The following MRPS11 variants were observed in gnomAD, a reference collection of about 807,000 sequenced individuals.
The protein encoded by MRPS11 is mitochondrial ribosomal protein S11, also known as small ribosomal subunit protein uS11m.
MRPS11 carries 27 observed loss-of-function variants against 24.3 expected under a neutral mutation model. The ratio of observed to expected loss-of-function variants is 1.11; its 90% CI spans 0.82 to 1.53. The LOEUF (loss-of-function observed/expected upper bound fraction) is 1.53. Ranked by LOEUF, MRPS11 falls within the 40% of genes most tolerant of loss-of-function variation. The pLI, the probability that MRPS11 is intolerant of heterozygous loss-of-function variation, is 0.00. For synonymous variants in MRPS11, 104 were observed against 98.7 expected (o/e 1.05, Z -0.32); for missense variants, 277 against 256.5 (o/e 1.08, Z -0.55).
intron 2 of MRPS11, among the ~76,000 whole-genome samples, chr15:88,471,168 G>A: frequency 6.6e-6 from 1 of 152,232 alleles, no homozygotes; most frequent in South Asian, 2.1e-4. Context: ...GGTTAGAGGA[G>A]ACAAAAGAAG....
Position 88,475,120 on chromosome 15 carries a change from C to G in MRPS11, c.292C>G (p.Gln98Glu). Residue 98 changes from glutamine to glutamate, a missense_variant, in exon 4 of 6, where the codon CAG becomes GAG. Transcript: ENST00000325844. The surrounding 1 kb of genome is among the most constrained non-coding windows in gnomAD (Gnocchi z 4.1). ...TTCTACTTTTCTCAGCACACAGATC[C>G]AGGTAGTCTCTGCTAGTAATGAGCC... ...IKASHNNTQIQVVSASNEPLA... is the reference protein window; with the variant it reads ...IKASHNNTQIEVVSASNEPLA... 1 of 1,614,182 alleles carries G rather than the reference C, an allele frequency of 6.2e-7. No individual in the cohort carries two copies.
rs16941937 is a variant in MRPS11 at position 88,475,265 on chromosome 15, T to C, written c.411+26T>C. ...GTAAGTGTGTGTTCCTTCTGCTTCC[T>C]TCTAGTGTGTGTTTGCTTTCTGCAT... On this transcript the variant is annotated intron_variant, in intron 4 of 5. Coordinates refer to ENST00000325844, the MANE Select transcript of MRPS11 (RefSeq NM_022839.5). The surrounding 1 kb of genome is among the most constrained non-coding windows in gnomAD (Gnocchi z 4.1). 0.013 allele frequency: 21,740 copies of C among 1,613,600 alleles called. 2,309 individuals are homozygous for C. The African/African-American group carries it at 0.24, about 18-fold the overall frequency.
In MRPS11 at chr15:88,477,850, C is replaced by T; in HGVS notation, c.478-22C>T. On this transcript the variant is annotated intron_variant, in intron 5 of 5. Transcript: ENST00000325844. The surrounding 1 kb of genome is among the most constrained non-coding windows in gnomAD (Gnocchi z 5.7). ...TCATTTCTGGGACCATGTCATTCTACTTTTCCTTCTGTTCCTTCCAGTCTG... is the reference window on the plus strand; with the variant it reads ...TCATTTCTGGGACCATGTCATTCTATTTTTCCTTCTGTTCCTTCCAGTCTG... 1 of 1,605,122 alleles carries T rather than the reference C, an allele frequency of 6.2e-7. No individual in the cohort carries two copies. The highest frequency in any genetic ancestry group is 8.5e-7 in the Non-Finnish European group (1 of 1,171,992).
chr15:88,468,420 C>G, intron 2 of MRPS11: 1 of 1,062,556 alleles, frequency 9.4e-7, no homozygotes, highest in Non-Finnish European at 1.1e-6. Flanking sequence ...ACGGATGGTC[C>G]AGGGTGGGTT....
At chr15:88,474,491 G>A (rs1201122123) in intron 3 of MRPS11, among the ~76,000 whole-genome samples, 20 of 151,552 alleles carry the variant, frequency 1.3e-4, no homozygotes, top group Admixed American at 1.0e-3. Context: ...CCCGGGAGGC[G>A]GAGGTTACTG....
chr15:88,476,929 C>G, intron 4 of MRPS11, 60 bp from the exon 5 acceptor site: 1 of 1,559,368 alleles, frequency 6.4e-7, no homozygotes, highest in Non-Finnish European at 8.8e-7. Flanking sequence ...GAGGCAGTAG[C>G]AAGAGATTTG....
chr15:88,477,415 TC>T lies in MRPS11; in HGVS notation c.477+363del. Among the ~76,000 whole-genome samples, 1 of 152,336 alleles carries T rather than the reference TC, an allele frequency of 6.6e-6. No homozygotes were observed. Among genetic ancestry groups the T allele is most frequent in the East Asian group, 1.9e-4 (1 of 5,178 alleles). On this transcript the variant is annotated intron_variant, in intron 5 of 5. Transcript: ENST00000325844. This position sits in a 1 kb window ranked among gnomAD's most constrained non-coding sequence, Gnocchi z 5.7. The stretch of plus-strand genomic sequence containing the variant: ...TCCCGAACCTAGCAGGGATAATCTT[TC>T]CTGATGATCATTAGCACAGATAATC...
At chr15:88,476,770 T>C (rs2055830787) in intron 4 of MRPS11, 2 of 570,746 alleles carry the variant, frequency 3.5e-6, no homozygotes, top group East Asian at 2.9e-5. Flanking sequence ...TGTCCTAGGC[T>C]AAACAGATCA....
At chr15:88,476,885 C>T in intron 4 of MRPS11, 104 bp from the exon 5 acceptor site, 2 of 1,138,712 alleles carry the variant, frequency 1.8e-6, no homozygotes, top group Non-Finnish European at 1.3e-6. Context: ...TCTCTGGATG[C>T]CCTTTCCCTG....
At chr15:88,472,777 T>C (rs2055742469) in intron 3 of MRPS11, 52 bp downstream of exon 3, 2 of 1,472,140 alleles carry the variant, frequency 1.4e-6, no homozygotes, top group Non-Finnish European at 1.9e-6. Context: ...TCTTTCCACT[T>C]CACAGGGAAA....
chr15:88,474,927 G>A, intron 3 of MRPS11, 183 bp from the exon 4 acceptor site: 2 of 638,900 alleles, frequency 3.1e-6, no homozygotes, highest in East Asian at 2.9e-5. Context: ...AGGTTTAGGG[G>A]AGAATTCTGA....
At chr15:88,468,427 G>T in intron 2 of MRPS11, 1 of 1,046,522 alleles carries the variant, frequency 9.6e-7, no homozygotes, top group South Asian at 3.2e-5. Context: ...GTCCAGGGTG[G>T]GTTTTGTGCT....
chr15:88,470,723 G>C (rs2055679152), intron 2 of MRPS11, among the ~76,000 whole-genome samples: 1 of 152,306 alleles, frequency 6.6e-6, no homozygotes, highest in East Asian at 1.9e-4. Context: ...AGTGGTAGAG[G>C]CTAATATCTG....
chr15:88,476,787 C>T (rs112799756), intron 4 of MRPS11: 76 of 583,942 alleles, frequency 1.3e-4, no homozygotes, highest in African/African-American at 1.1e-3. Flanking sequence ...ATCACAGTCA[C>T]GTGAATTCTG....
In MRPS11 at chr15:88,475,263, C is replaced by T; in HGVS notation, c.411+24C>T. 1.2e-6 allele frequency: 2 copies of T among 1,613,712 alleles called. No individual in the cohort carries two copies. Among genetic ancestry groups the T allele is most frequent in the Non-Finnish European group, 8.5e-7 (1 of 1,179,914 alleles). On this transcript the variant is annotated intron_variant, in intron 4 of 5. Transcript: ENST00000325844. This position sits in a 1 kb window ranked among gnomAD's most constrained non-coding sequence, Gnocchi z 4.1. ...CGGTAAGTGTGTGTTCCTTCTGCTTCCTTCTAGTGTGTGTTTGCTTTCTGC... is the reference window on the plus strand; with the variant it reads ...CGGTAAGTGTGTGTTCCTTCTGCTTTCTTCTAGTGTGTGTTTGCTTTCTGC...
chr15:88,477,039 G>A lies in MRPS11; in HGVS notation c.462G>A (p.Leu154=). ...VIHIRVVVKG[L]GPGRLSAMHG... ...ACATCCGAGTTGTGGTGAAAGGCCT[G>A]GGGCCAGGACGCTTGGTAAGTTACA... The change falls in exon 5 of 6, where the codon CTG becomes CTA. Residue 154 remains leucine, a synonymous_variant. Coordinates refer to ENST00000325844, the MANE Select transcript of MRPS11 (RefSeq NM_022839.5). The surrounding 1 kb of genome is among the most constrained non-coding windows in gnomAD (Gnocchi z 5.7). The A allele has an allele frequency of 6.2e-7, 1 of 1,614,040 alleles. No homozygotes were observed. Among genetic ancestry groups the A allele is most frequent in the South Asian group, 1.1e-5 (1 of 91,008 alleles).
chr15:88,476,601 ACT>A (rs1051836845), intron 4 of MRPS11: 1 of 176,012 alleles, frequency 5.7e-6, no homozygotes, highest in African/African-American at 2.4e-5. Context: ...GTAAATTTTA[ACT>A]CTAACTGCTT....
intron 3 of MRPS11, among the ~76,000 whole-genome samples, chr15:88,473,418 A>G (rs1211642454): frequency 6.6e-6 from 1 of 152,260 alleles, no homozygotes; most frequent in African/African-American, 2.4e-5. Context: ...TTTAGAGACC[A>G]GCACAAGAGA....
Position 88,478,007 on chromosome 15 carries a change from A to ACCTGG in MRPS11, c.*31_*32insGGCCT, listed in dbSNP as rs1271998029. The ACCTGG allele has an allele frequency of 1.3e-6, 2 of 1,579,710 alleles. No homozygotes were observed. The highest frequency in any genetic ancestry group is 1.7e-5 in the Admixed American group (1 of 59,934). On this transcript the variant is annotated 3_prime_UTR_variant, in exon 6 of 6. Coordinates refer to ENST00000325844, the MANE Select transcript of MRPS11 (RefSeq NM_022839.5). This position sits in a 1 kb window ranked among gnomAD's most constrained non-coding sequence, Gnocchi z 4.7. Reference sequence around the variant, plus strand: ...GGAAGGAGGCCTGCACTTGGACCTGACCTCAAGCCTCAGCTCCAGTGGGAC... The same window carrying ACCTGG: ...GGAAGGAGGCCTGCACTTGGACCTGACCTGGCCTCAAGCCTCAGCTCCAGTGGGAC...
Sources: allele counts gnomAD v4.1 joint callset (sites outside exome capture counted in the v4.1 genomes callset), GRCh38; gene constraint gnomAD v4.1.1; non-coding constraint Gnocchi (gnomAD v3.1); transcripts MANE v1.5; gene names NCBI Gene and HGNC (gene_info 2026-07-23, HGNC 2026-07-21).